The following ITPR2 variants were observed in gnomAD, a reference collection of about 807,000 sequenced individuals.
ITPR2 encodes inositol 1,4,5-trisphosphate-gated calcium channel ITPR2.
ITPR2 carries 207 observed loss-of-function variants against 317.1 expected under a neutral mutation model. That is an observed-to-expected ratio of 0.65 (90% CI 0.58 to 0.73). The LOEUF (loss-of-function observed/expected upper bound fraction) is 0.73, where lower values mean the gene tolerates loss of function less well. ITPR2 is among the 30% of genes least tolerant of loss of function. The pLI, the probability that ITPR2 is intolerant of heterozygous loss-of-function variation, is 0.00. For synonymous variants in ITPR2, 1,156 were observed against 1,149.1 expected, an observed-to-expected ratio of 1.01 and a Z score of -0.12; for missense variants, 2,613 against 3,284.0, an observed-to-expected ratio of 0.80 and a Z score of 4.99.
At chr12:26,668,665 A>G (rs1592016600) in intron 13 of ITPR2, among the ~76,000 whole-genome samples, 2 of 152,368 alleles carry the variant, frequency 1.3e-5, no homozygotes. Context: ...TCCACCATCA[A>G]CAAAATCCGA....
intron 34 of ITPR2, among the ~76,000 whole-genome samples, chr12:26,567,481 A>C (rs980005912): frequency 1.3e-5 from 2 of 152,198 alleles, no homozygotes; most frequent in Non-Finnish European, 2.9e-5. Context: ...CATGAACTGT[A>C]CAATGAAAAT....
chr12:26,488,783 T>C (rs1942731210), intron 39 of ITPR2, among the ~76,000 whole-genome samples: 1 of 152,210 alleles, frequency 6.6e-6, no homozygotes, highest in African/African-American at 2.4e-5. Context: ...TGAGGAGTTA[T>C]GAGAACTTTG....
chr12:26,395,295 T>A (rs904696414), intron 54 of ITPR2, among the ~76,000 whole-genome samples: 9 of 151,942 alleles, frequency 5.9e-5, no homozygotes, highest in African/African-American at 1.9e-4. Flanking sequence ...AAGTTAACAG[T>A]GAGATTCAAG....
chr12:26,454,019 AATGGATGG>A (rs941186026), intron 45 of ITPR2, among the ~76,000 whole-genome samples: 4 of 151,832 alleles, frequency 2.6e-5, no homozygotes, highest in Non-Finnish European at 5.9e-5. Flanking sequence ...TGGATGGGTG[AATGGATGG>A]ATGGATGGAT....
intron 2 of ITPR2, among the ~76,000 whole-genome samples, chr12:26,744,768 A>T (rs925616865): frequency 3.3e-5 from 5 of 152,212 alleles, no homozygotes; most frequent in Non-Finnish European, 2.9e-5. Flanking sequence ...ATTTCACTGG[A>T]TTCTATTCAT....
intron 2 of ITPR2, among the ~76,000 whole-genome samples, chr12:26,730,620 A>G (rs1207679518): frequency 6.6e-6 from 1 of 152,246 alleles, no homozygotes; most frequent in Non-Finnish European, 1.5e-5. Flanking sequence ...AAGTTCAGGA[A>G]ATGTTAGTAA....
At chr12:26,600,241 T>C (rs777443690) in intron 28 of ITPR2, 132 bp from the exon 29 acceptor site, 3 of 657,066 alleles carry the variant, frequency 4.6e-6, no homozygotes, top group Non-Finnish European at 7.4e-6. Context: ...GTGTCCTTTA[T>C]GTTTCACACC....
At chr12:26,444,797 T>C (rs1342902807) in intron 45 of ITPR2, among the ~76,000 whole-genome samples, 2 of 152,300 alleles carry the variant, frequency 1.3e-5, no homozygotes, top group East Asian at 1.9e-4. Context: ...TTATAAGTGA[T>C]AATTTGGTAA....
chr12:26,657,180 T>C (rs777891945), intron 18 of ITPR2, among the ~76,000 whole-genome samples: 1 of 152,244 alleles, frequency 6.6e-6, no homozygotes, highest in Non-Finnish European at 1.5e-5. Context: ...AGCTAGGTTC[T>C]TGCTCCCAAT....
intron 2 of ITPR2, among the ~76,000 whole-genome samples, chr12:26,740,984 T>C (rs1420717052): frequency 6.6e-6 from 1 of 152,262 alleles, no homozygotes; most frequent in Non-Finnish European, 1.5e-5. Context: ...CCACTTCTGC[T>C]ACCACTGTCA....
In ITPR2 at chr12:26,341,754, G is replaced by GA. The variant is rs1313882667; in HGVS notation, c.7858-1427dup. ...GTATTTAGGGGTGAAAGTCAGATAA[G>GA]ACTGTGTGTCTGCTCTCAAGGAGCT... On this transcript the variant is annotated intron_variant, in intron 55 of 56. Transcript: ENST00000381340. Among the ~76,000 whole-genome samples the GA allele has an allele frequency of 2.6e-5, 4 of 152,336 alleles. No homozygotes were observed. In the East Asian group the frequency reaches 5.8e-4, roughly 22 times the overall value.
intron 2 of ITPR2, among the ~76,000 whole-genome samples, chr12:26,781,302 G>A (rs1490766336): frequency 4.6e-5 from 7 of 152,206 alleles, no homozygotes; most frequent in Admixed American, 4.6e-4. Flanking sequence ...TTGCAAAAAC[G>A]AGGACTGTGT....
intron 52 of ITPR2, 40 bp from the exon 53 acceptor site, chr12:26,400,298 A>G: frequency 8.5e-7 from 1 of 1,170,716 alleles, no homozygotes; most frequent in East Asian, 2.9e-5. Context: ...AAAATTATGT[A>G]AAAATATATA....
intron 45 of ITPR2, among the ~76,000 whole-genome samples, chr12:26,455,344 T>TAA (rs10687003): frequency 0.07 from 4,647 of 66,322 alleles, 673 homozygotes; most frequent in African/African-American, 0.13. Flanking sequence ...CAACAGCTGC[T>TAA]AAAAAAAAAA....
At chr12:26,584,076 G>A (rs542474476) in intron 32 of ITPR2, among the ~76,000 whole-genome samples, 4 of 152,212 alleles carry the variant, frequency 2.6e-5, no homozygotes, top group African/African-American at 7.2e-5. Context: ...AATCAAGAGA[G>A]ACACACAATA....
chr12:26,715,528 C>T, intron 7 of ITPR2, 83 bp from the exon 8 acceptor site: 1 of 1,221,814 alleles, frequency 8.2e-7, no homozygotes, highest in Non-Finnish European at 1.2e-6. Flanking sequence ...CTGGGCCCTT[C>T]TACTAGCTAT....
intron 37 of ITPR2, among the ~76,000 whole-genome samples, chr12:26,548,597 CTGAA>C (rs1944445732): frequency 6.6e-6 from 1 of 152,176 alleles, no homozygotes; most frequent in East Asian, 1.9e-4. Flanking sequence ...TGTTGGGTGA[CTGAA>C]TGAAGAACTT....
In ITPR2 at chr12:26,713,948, T is replaced by G. The variant is rs137927340; in HGVS notation, c.855+1351A>C. 2.2e-4 allele frequency among the ~76,000 whole-genome samples: 34 copies of G among 152,346 alleles called. No individual in the cohort carries two copies. In the East Asian group the frequency reaches 5.6e-3, roughly 25 times the overall value. Reference sequence around the variant, plus strand: ...CAGCCTCGTGTATTATTAGCTTTAGTCATAGCTGTTTTCCCCAGAGCTTCT... The same window carrying G: ...CAGCCTCGTGTATTATTAGCTTTAGGCATAGCTGTTTTCCCCAGAGCTTCT... On this transcript the variant is annotated intron_variant, in intron 8 of 56. Transcript: ENST00000381340.
At chr12:26,516,310 A>AGGAAGGGAAG (rs1565574702) in intron 37 of ITPR2, among the ~76,000 whole-genome samples, 3 of 125,072 alleles carry the variant, frequency 2.4e-5, no homozygotes, top group African/African-American at 8.7e-5. Flanking sequence ...AGGAAAGGAA[A>AGGAAGGGAAG]GGAAAGGAAA....
Sources: allele counts gnomAD v4.1 joint callset (sites outside exome capture counted in the v4.1 genomes callset), GRCh38; gene constraint gnomAD v4.1.1; transcripts MANE v1.5; gene names NCBI Gene and HGNC (gene_info 2026-07-23, HGNC 2026-07-21).